Variants in C1orf159 observed in about 807,000 individuals in gnomAD.
The protein encoded by C1orf159 is chromosome 1 open reading frame 159, also known as uncharacterized protein C1orf159.
A neutral mutation model predicts 25.6 loss-of-function variants in C1orf159; 19 were observed. The ratio of observed to expected loss-of-function variants is 0.74; its 90% CI spans 0.52 to 1.09. C1orf159 has a LOEUF of 1.09. Among genes scored for constraint, C1orf159 ranks in the 50% least tolerant of loss-of-function variants. C1orf159 has a pLI of 0.00. For synonymous variants in C1orf159, 139 were observed against 124.7 expected (o/e 1.12, Z -0.77); for missense variants, 274 against 290.6 (o/e 0.94, Z 0.42).
intron 9 of C1orf159, chr1:1,084,119 G>T (rs1271028993): frequency 6.4e-7 from 1 of 1,570,952 alleles, no homozygotes; most frequent in African/African-American, 1.4e-5. Context: ...GAAGTCACGG[G>T]GATTAAAGGG....
chr1:1,095,234 A>C (rs2100755959), intron 1 of C1orf159, among the ~76,000 whole-genome samples: 1 of 152,340 alleles, frequency 6.6e-6, no homozygotes. Context: ...TCATTGTGTC[A>C]ATTCCTACAA....
intron 1 of C1orf159, among the ~76,000 whole-genome samples, chr1:1,112,968 G>A (rs1646282554): frequency 6.6e-6 from 1 of 152,176 alleles, no homozygotes; most frequent in Non-Finnish European, 1.5e-5. Context: ...GGCTGAGGTG[G>A]GTGGATCATC....
At chr1:1,086,389 C>T (rs1486483889) in intron 6 of C1orf159, among the ~76,000 whole-genome samples, 2 of 152,248 alleles carry the variant, frequency 1.3e-5, no homozygotes, top group Non-Finnish European at 2.9e-5. Flanking sequence ...TCAGCACAGG[C>T]CCTGGGGCCC....
chr1:1,095,679 C>T (rs1646000317), intron 1 of C1orf159, among the ~76,000 whole-genome samples: 1 of 152,182 alleles, frequency 6.6e-6, no homozygotes, highest in South Asian at 2.1e-4. Flanking sequence ...TACCTTATTG[C>T]AGTGGCTGGG....
At chr1:1,090,473 C>T in intron 3 of C1orf159, 45 bp from the exon 4 acceptor site, 1 of 1,539,152 alleles carries the variant, frequency 6.5e-7, no homozygotes, top group Non-Finnish European at 8.8e-7. Context: ...GCCTGCCAGG[C>T]AGGCTCACGC....
rs147471490 is a variant in C1orf159, at chr1:1,092,165, C to A, written c.-135-62G>T. The A allele has an allele frequency of 4.6e-3, 1,634 of 354,512 alleles. 12 individuals carry two copies. The highest frequency in any genetic ancestry group is 5.8e-3 in the Non-Finnish European group (1,020 of 176,468). 22.0% of individuals were successfully genotyped at this position (354,512 alleles called of 1,614,324 possible). A position where few individuals can be genotyped will look rare whatever the true frequency, so the allele number is the denominator to read the frequency against. ...CGAGGGCAACCCAGGTGGGCCGTGG[C>A]CTACGGTGCGGGGTCTGGGTCCGGT... On this transcript the variant is annotated intron_variant, in intron 1 of 9. Coordinates refer to ENST00000421241, the MANE Select transcript of C1orf159 (RefSeq NM_017891.5).
At chr1:1,088,804 G>A (rs1056359915) in intron 4 of C1orf159, among the ~76,000 whole-genome samples, 5 of 152,144 alleles carry the variant, frequency 3.3e-5, no homozygotes, top group Non-Finnish European at 7.4e-5. Context: ...GGGACCCCGC[G>A]GTGGAGAGTG....
intron 1 of C1orf159, among the ~76,000 whole-genome samples, chr1:1,113,802 G>A (rs961377877): frequency 2.6e-5 from 4 of 152,156 alleles, no homozygotes; most frequent in East Asian, 1.9e-4. Flanking sequence ...GGGGTGTTAC[G>A]TCTCCCGATT....
Position 1,089,328 on chromosome 1 carries a change from C to T in C1orf159, c.148+1025G>A, listed in dbSNP as rs1042291638. On this transcript the variant is annotated intron_variant, in intron 4 of 9. Coordinates refer to ENST00000421241, the MANE Select transcript of C1orf159 (RefSeq NM_017891.5). This position sits in a 1 kb window ranked among gnomAD's most constrained non-coding sequence, Gnocchi z 7.5. ...ACACAATCCCTCACAGGAGACGCCA[C>T]GGCCCCAGCACTCTTGCTGCCATGG... Among the ~76,000 whole-genome samples, 4 of 152,266 alleles carry T rather than the reference C, an allele frequency of 2.6e-5. No individual in the cohort carries two copies. Among genetic ancestry groups the T allele is most frequent in the South Asian group, 2.1e-4 (1 of 4,834 alleles).
rs1255522403 is a variant in C1orf159 at position 1,090,918 on chromosome 1, C to G, written c.73-490G>C. ...ATTCCCTGACCACAGGCAGACTGGACAGGCCTGGGGGGCTCAGGGTACCCT... is the reference window on the plus strand; with the variant it reads ...ATTCCCTGACCACAGGCAGACTGGAGAGGCCTGGGGGGCTCAGGGTACCCT... On this transcript the variant is annotated intron_variant, in intron 3 of 9. Coordinates refer to ENST00000421241, the MANE Select transcript of C1orf159 (RefSeq NM_017891.5). 4.5e-6 allele frequency: 7 copies of G among 1,550,422 alleles called. No homozygotes were observed. In the South Asian group the frequency reaches 8.3e-5, roughly 18 times the overall value.
At chr1:1,084,832 C>T (rs901677852) in intron 7 of C1orf159, among the ~76,000 whole-genome samples, 2 of 152,168 alleles carry the variant, frequency 1.3e-5, no homozygotes, top group African/African-American at 4.8e-5. Flanking sequence ...AGCGTCTCCC[C>T]AGGCTCCAGG....
intron 1 of C1orf159, among the ~76,000 whole-genome samples, chr1:1,112,448 C>T (rs970230866): frequency 1.3e-5 from 2 of 151,556 alleles, no homozygotes; most frequent in African/African-American, 2.4e-5. Flanking sequence ...GAACACACAG[C>T]GCATGCTCCC....
chr1:1,082,779 T>C lies in C1orf159; in HGVS notation c.*114A>G. On this transcript the variant is annotated 3_prime_UTR_variant, in exon 10 of 10. Coordinates refer to ENST00000421241, the MANE Select transcript of C1orf159 (RefSeq NM_017891.5). ...GCGGAGGGACTCAGAGCCGAGGCTG[T>C]GCCCAGGACTGTCCCGGGCGCCGGG... is the stretch of plus-strand genomic sequence containing the variant. The C allele has an allele frequency of 1.0e-6, 1 of 960,976 alleles. No homozygotes were observed. Among genetic ancestry groups the C allele is most frequent in the South Asian group, 1.4e-5 (1 of 69,506 alleles). 59.5% of individuals were successfully genotyped at this position (960,976 alleles called of 1,614,324 possible). A position where few individuals can be genotyped will look rare whatever the true frequency, so the allele number is the denominator to read the frequency against.
In C1orf159 at chr1:1,087,612, G is replaced by T. The variant is rs775323339; in HGVS notation, c.149-15C>A. On this transcript the variant is annotated splice_polypyrimidine_tract_variant and intron_variant, in intron 4 of 9. Transcript: ENST00000421241. This position sits in a 1 kb window ranked among gnomAD's most constrained non-coding sequence, Gnocchi z 8.3. ...CCTGTAACAGCCTGCGTGGGGCAGA[G>T]GACGGGCATGTCAGCCAAAGCAAAA... 6.5e-7 allele frequency: 1 copy of T among 1,526,828 alleles called. No individual in the cohort carries two copies. The highest frequency in any genetic ancestry group is 1.2e-5 in the South Asian group (1 of 82,702). The allele number at this position is 1,526,828 out of a possible 1,614,324, so 94.6% of individuals were successfully genotyped here. A position where few individuals can be genotyped will look rare whatever the true frequency, so the allele number is the denominator to read the frequency against.
rs891216017 is a variant in C1orf159 at position 1,090,275 on chromosome 1, C to T, written c.148+78G>A. The T allele has an allele frequency of 2.7e-4, 385 of 1,408,714 alleles. 1 individual carries two copies. The highest frequency in any genetic ancestry group is 1.7e-3 in the Middle Eastern group (10 of 5,774). 87.3% of individuals were successfully genotyped at this position (1,408,714 alleles called of 1,614,324 possible). ...CACAGATGAGCACTGTCCTTGTCAC[C>T]GAGGGGAGGGCCCTGGGCACACACA... On this transcript the variant is annotated intron_variant, in intron 4 of 9. Coordinates refer to ENST00000421241, the MANE Select transcript of C1orf159 (RefSeq NM_017891.5).
Position 1,087,275 on chromosome 1 carries a change from G to C in C1orf159, c.245-71C>G. 7.0e-7 allele frequency: 1 copy of C among 1,433,666 alleles called. No individual in the cohort carries two copies. The highest frequency in any genetic ancestry group is 9.4e-7 in the Non-Finnish European group (1 of 1,061,272). 88.8% of individuals were successfully genotyped at this position (1,433,666 alleles called of 1,614,324 possible). A position where few individuals can be genotyped will look rare whatever the true frequency, so the allele number is the denominator to read the frequency against. On this transcript the variant is annotated intron_variant, in intron 5 of 9. Coordinates refer to ENST00000421241, the MANE Select transcript of C1orf159 (RefSeq NM_017891.5). The surrounding 1 kb of genome is among the most constrained non-coding windows in gnomAD (Gnocchi z 8.3). ...CGGGGACACCCACGTGCACCCTGAA[G>C]GGATCTCAGGACGGAAATATGAAAG... is the stretch of plus-strand genomic sequence containing the variant.
intron 1 of C1orf159, among the ~76,000 whole-genome samples, chr1:1,105,076 C>T (rs1646152742): frequency 6.6e-6 from 1 of 152,238 alleles, no homozygotes; most frequent in Non-Finnish European, 1.5e-5. Context: ...TTGCATAAGA[C>T]CACACTGTGA....
In C1orf159 at chr1:1,084,469, T is replaced by C. The variant is rs1645797452; in HGVS notation, c.471+12A>G. 1 of 1,566,488 alleles carries C rather than the reference T, an allele frequency of 6.4e-7. No homozygotes were observed. Among genetic ancestry groups the C allele is most frequent in the Non-Finnish European group, 8.6e-7 (1 of 1,156,540 alleles). The stretch of plus-strand genomic sequence containing the variant: ...CCAGGGACGCTCAGCCCGGATGATG[T>C]GGGTTACTTACGGCTTCGCCAGGCT... On this transcript the variant is annotated intron_variant, in intron 8 of 9. Transcript: ENST00000421241.
chr1:1,083,615 A>G, intron 9 of C1orf159: 1 of 396,234 alleles, frequency 2.5e-6, no homozygotes, highest in African/African-American at 2.1e-5. Flanking sequence ...TTGGTTTTGG[A>G]CTTCTGAACT....
Sources: allele counts gnomAD v4.1 joint callset (sites outside exome capture counted in the v4.1 genomes callset), GRCh38; gene constraint gnomAD v4.1.1; non-coding constraint Gnocchi (gnomAD v3.1); transcripts MANE v1.5; gene names NCBI Gene and HGNC (gene_info 2026-07-23, HGNC 2026-07-21).